The following LRRIQ1 variants were observed in gnomAD, a reference collection of about 807,000 sequenced individuals.
LRRIQ1 encodes leucine-rich repeat- and IQ domain-containing protein 1.
A neutral mutation model predicts 211.9 loss-of-function variants in LRRIQ1; 210 were observed. That is an observed-to-expected ratio of 0.99 (90% CI 0.89 to 1.11). LRRIQ1 has a LOEUF of 1.11. LRRIQ1 is among the 50% of genes most tolerant of loss of function. The probability of loss-of-function intolerance (pLI) is 0.00; values close to 1 mark genes in which losing one functional copy is unlikely to be tolerated. For missense variants in LRRIQ1, 2,136 were observed against 1,939.5 expected (o/e 1.10, Z -1.90); for synonymous variants, 699 against 650.1 (o/e 1.08, Z -1.14).
intron 24 of LRRIQ1, among the ~76,000 whole-genome samples, chr12:85,204,854 T>G (rs1456952812): frequency 6.6e-6 from 1 of 152,154 alleles, no homozygotes; most frequent in African/African-American, 2.4e-5. Context: ...TGAAATGAGT[T>G]AAGACTTTGA....
rs185585694 is a variant in LRRIQ1 at position 85,055,573 on chromosome 12, A to G, written c.780A>G (p.Gln260=). The part of the protein sequence containing the change: ...HEEYIRNLHL[Q]MEEERTRFKD... ...AGTATATTAGAAACTTGCATTTACA[A>G]ATGGAAGAAGAAAGAACAAGATTTA... The change falls in exon 8 of 27, where the codon CAA becomes CAG. Residue 260 remains glutamine (Q), a synonymous_variant. Transcript: ENST00000393217. 6.5e-7 allele frequency: 1 copy of G among 1,544,514 alleles called. No homozygotes were observed. The highest frequency in any genetic ancestry group is 8.7e-7 in the Non-Finnish European group (1 of 1,153,162).
intron 17 of LRRIQ1, 127 bp downstream of exon 17, chr12:85,124,646 A>G (rs1442278287): frequency 2.7e-6 from 2 of 742,818 alleles, no homozygotes; most frequent in Non-Finnish European, 4.4e-6. Flanking sequence ...TACCGATTCC[A>G]TTATGTTTTC....
In LRRIQ1 at chr12:85,153,707, G is replaced by A. The variant is rs780707801; in HGVS notation, c.4586G>A (p.Ser1529Asn). Residue 1529 changes from serine to asparagine, a missense_variant, in exon 22 of 27, where the codon AGT becomes AAT. Coordinates refer to ENST00000393217, the MANE Select transcript of LRRIQ1 (RefSeq NM_001079910.2). ...TCCTGGACACCTGAATCAAAGACCA[G>A]TAGAAAGAGTTTGCTAAAATCTGAA... ...TSSWTPESKT[S>N]RKSLLKSEKE... is the part of the protein sequence containing the mutation. 1.3e-6 allele frequency: 2 copies of A among 1,585,864 alleles called. No homozygotes were observed. Among genetic ancestry groups the A allele is most frequent in the Admixed American group, 1.8e-5 (1 of 54,548 alleles).
chr12:85,160,734 A>G lies in LRRIQ1; in HGVS notation c.4822+20A>G. The G allele has an allele frequency of 7.6e-7, 1 of 1,313,634 alleles. No homozygotes were observed. Among genetic ancestry groups the G allele is most frequent in the Non-Finnish European group, 1.1e-6 (1 of 940,590 alleles). 81.4% of individuals were successfully genotyped at this position (1,313,634 alleles called of 1,614,324 possible). A position where few individuals can be genotyped will look rare whatever the true frequency, so the allele number is the denominator to read the frequency against. On this transcript the variant is annotated intron_variant, in intron 24 of 26. Transcript: ENST00000393217. ...TTGAAGGTATGGCTTAATAACAGAT[A>G]CATAGAGAGGTAAAAAGATAAAGAA...
chr12:85,057,967 C>T lies in LRRIQ1; in HGVS notation c.2391+783C>T, dbSNP rs146111375. On this transcript the variant is annotated intron_variant, in intron 8 of 26. Coordinates refer to ENST00000393217, the MANE Select transcript of LRRIQ1 (RefSeq NM_001079910.2). ...CTAGACAGATGCCTAGGAGAAAGAACAATCATATTAATAGATAAACATTAT... is the reference window on the plus strand; with the variant it reads ...CTAGACAGATGCCTAGGAGAAAGAATAATCATATTAATAGATAAACATTAT... 4.0e-4 allele frequency among the ~76,000 whole-genome samples: 61 copies of T among 152,034 alleles called. No individual in the cohort carries two copies. In the East Asian group the frequency reaches 0.011, roughly 28 times the overall value.
chr12:85,165,008 G>C (rs904945426), intron 24 of LRRIQ1, among the ~76,000 whole-genome samples: 1 of 152,040 alleles, frequency 6.6e-6, no homozygotes, highest in Non-Finnish European at 1.5e-5. Context: ...GTGCCAACAT[G>C]GTAATGAAGA....
intron 24 of LRRIQ1, 145 bp downstream of exon 24, chr12:85,160,859 T>G (rs1030725173): frequency 5.8e-6 from 2 of 344,312 alleles, no homozygotes; most frequent in South Asian, 1.3e-4. Context: ...ACTCAAAATA[T>G]GGCTCTTAAA....
At chr12:85,115,608 C>T (rs1386773337) in intron 15 of LRRIQ1, among the ~76,000 whole-genome samples, 1 of 152,082 alleles carries the variant, frequency 6.6e-6, no homozygotes, top group African/African-American at 2.4e-5. Context: ...AATTGTTCCC[C>T]ATACCTGAAA....
the LRRIQ1 span, among the ~76,000 whole-genome samples, chr12:85,272,683 C>T: frequency 3.3e-5 from 5 of 151,416 alleles, no homozygotes; most frequent in East Asian, 1.9e-4. Context: ...ATAAATTGTG[C>T]GTTCATGAAG....
chr12:85,201,943 C>T (rs909569744), intron 24 of LRRIQ1, among the ~76,000 whole-genome samples: 3 of 152,196 alleles, frequency 2.0e-5, no homozygotes, highest in African/African-American at 7.2e-5. Flanking sequence ...ATAAACTTCC[C>T]TCCTAACACT....
Position 85,174,701 on chromosome 12 carries a change from C to CAAAAAAAAAAAAAAAAAAAAAA in LRRIQ1, c.4822+13988_4822+14009dup, listed in dbSNP as rs71076115. On this transcript the variant is annotated intron_variant, in intron 24 of 26. Transcript: ENST00000393217. ...TGGGTGACAGAGCAAGAGTACAGCT[C>CAAAAAAAAAAAAAAAAAAAAAA]AAAAAAAAAAAAAAAAAAAAAATCT... Among the ~76,000 whole-genome samples the CAAAAAAAAAAAAAAAAAAAAAA allele has an allele frequency of 4.0e-3, 86 of 21,558 alleles. 8 individuals are homozygous for CAAAAAAAAAAAAAAAAAAAAAA. Among genetic ancestry groups the CAAAAAAAAAAAAAAAAAAAAAA allele is most frequent in the Admixed American group, 6.1e-3 (9 of 1,484 alleles). The allele number at this position is 21,558 out of a possible 152,430, so 14.1% of individuals were successfully genotyped here.
intron 24 of LRRIQ1, among the ~76,000 whole-genome samples, chr12:85,197,681 G>C (rs1452411420): frequency 2.6e-5 from 4 of 151,668 alleles, no homozygotes; most frequent in South Asian, 4.2e-4. Context: ...ACTGTTGTGG[G>C]GTGGTGGGAG....
intron 24 of LRRIQ1, among the ~76,000 whole-genome samples, chr12:85,197,838 ATAT>A (rs1359633410): frequency 7.2e-6 from 1 of 139,620 alleles, no homozygotes; most frequent in Non-Finnish European, 1.5e-5. Context: ...AAAATAAAAA[ATAT>A]TATATTTATT....
In LRRIQ1 at chr12:85,198,789, T is replaced by C. The variant is rs543809748; in HGVS notation, c.4823-30728T>C. ...TCCACCATGTTAGCCAGAATGGTCT[T>C]GATTTGCTGACCTCGTGATCCACCC... On this transcript the variant is annotated intron_variant, in intron 24 of 26. Transcript: ENST00000393217. Among the ~76,000 whole-genome samples the C allele has an allele frequency of 2.0e-5, 3 of 152,182 alleles. No homozygotes were observed. The East Asian group carries it at 5.8e-4, about 30-fold the overall frequency.
chr12:85,230,917 G>T (rs1593002551), intron 25 of LRRIQ1, among the ~76,000 whole-genome samples: 1 of 151,928 alleles, frequency 6.6e-6, no homozygotes, highest in Non-Finnish European at 1.5e-5. Context: ...GGCGCGGTAG[G>T]GGGCGCCTGT....
chr12:85,069,585 C>T (rs1882845608), intron 10 of LRRIQ1, among the ~76,000 whole-genome samples: 1 of 151,884 alleles, frequency 6.6e-6, no homozygotes, highest in African/African-American at 2.4e-5. Context: ...TATTTCTCCA[C>T]ATCCTCTCCA....
chr12:85,128,171 GGCTGCAGGTTA>G (rs1205222734), intron 18 of LRRIQ1, 138 bp downstream of exon 18: 6 of 756,556 alleles, frequency 7.9e-6, no homozygotes, highest in East Asian at 2.7e-5. Context: ...GTGACATGTT[GGCTGCAGGTTA>G]GCTGCAGGTT....
intron 8 of LRRIQ1, among the ~76,000 whole-genome samples, chr12:85,059,411 C>G (rs932016955): frequency 6.6e-6 from 1 of 151,962 alleles, no homozygotes; most frequent in Admixed American, 6.6e-5. Flanking sequence ...CATCTGGCAA[C>G]GTGGTACACT....
chr12:85,212,083 A>G (rs535295861), intron 24 of LRRIQ1, among the ~76,000 whole-genome samples: 5 of 152,250 alleles, frequency 3.3e-5, no homozygotes, highest in African/African-American at 1.2e-4. Flanking sequence ...CCAGGGCAAC[A>G]TGGCAAAAAC....
Sources: gnomAD v4.1 joint callset for allele counts (sites outside exome capture counted in the v4.1 genomes callset) on GRCh38, gnomAD v4.1.1 for gene constraint, MANE v1.5 for transcripts, NCBI Gene and HGNC (gene_info 2026-07-23, HGNC 2026-07-21) for gene names.